DEDD2: variants seen among roughly 807,000 people sequenced by gnomAD.
The protein encoded by DEDD2 is death effector domain containing 2.
A neutral mutation model predicts 28.9 loss-of-function variants in DEDD2; 18 were observed. The observed-to-expected ratio is 0.62, with a 90% CI of 0.43 to 0.92. The LOEUF is 0.92. Ranked by LOEUF, DEDD2 falls within the 40% of genes least tolerant of loss-of-function variation. DEDD2 has a pLI of 0.00. For synonymous variants in DEDD2, 211 were observed against 206.1 expected, an observed-to-expected ratio of 1.02 and a Z score of -0.20; for missense variants, 411 against 463.3, an observed-to-expected ratio of 0.89 and a Z score of 1.04.
At chr19:42,214,364 A>C (rs1299611067) in intron 3 of DEDD2, among the ~76,000 whole-genome samples, 1 of 151,568 alleles carries the variant, frequency 6.6e-6, no homozygotes, top group Non-Finnish European at 1.5e-5. Flanking sequence ...AGGCTGAGGC[A>C]GGAGAATTGC....
At chr19:42,217,754 A>C (rs1016752776), upstream of DEDD2, 1 of 152,500 alleles carries the variant, frequency 6.6e-6, no homozygotes, top group Admixed American at 6.5e-5. Flanking sequence ...CAACTCGCGC[A>C]GGTGCGACCG....
chr19:42,205,219 A>C (rs2035484416), intron 4 of DEDD2, among the ~76,000 whole-genome samples: 1 of 152,242 alleles, frequency 6.6e-6, no homozygotes, highest in South Asian at 2.1e-4. Flanking sequence ...AGAAAGAGAG[A>C]TGGTAGGGGA....
chr19:42,199,714 G>A lies in DEDD2; in HGVS notation c.705C>T (p.Ala235=). The change falls in exon 5 of 5, where the codon GCC becomes GCT. Residue 235 remains alanine (A), a synonymous_variant. Transcript: ENST00000596251. This position sits in a 1 kb window ranked among gnomAD's most constrained non-coding sequence, Gnocchi z 7.4. ...LARQLDVFGQ[A]TAVLRSRDLG... ...GGTCCCTTGAGCGCAGCACTGCGGT[G>A]GCCTGCCCAAACACGTCCAGCTGCC... 6.2e-7 allele frequency: 1 copy of A among 1,614,050 alleles called. No homozygotes were observed.
Position 42,216,991 on chromosome 19 carries a change from G to T in DEDD2, c.17C>A (p.Ser6Ter). 6.3e-7 allele frequency: 1 copy of T among 1,591,084 alleles called. No homozygotes were observed. ...CTCCTCCCAGCACGGGGCCGGGGTC[G>T]ACCCGGATAGCGCCATTCCCGGGGG... MALSG[S>*]TPAPCWEEDE... is the part of the protein sequence containing the mutation. Residue 6 changes from serine to a stop codon, truncating the protein, a stop_gained, in exon 2 of 5, where the codon TCG becomes TAG. Coordinates refer to ENST00000596251, the MANE Select transcript of DEDD2 (RefSeq NM_133328.4). LOFTEE classifies it high-confidence loss of function.
chr19:42,199,307 C>A lies in DEDD2; in HGVS notation c.*131G>T, dbSNP rs1347294829. 1.4e-5 allele frequency: 19 copies of A among 1,319,088 alleles called. No individual in the cohort carries two copies. In the South Asian group the frequency reaches 2.5e-4, roughly 17 times the overall value. 81.7% of individuals were successfully genotyped at this position (1,319,088 alleles called of 1,614,324 possible). On this transcript the variant is annotated 3_prime_UTR_variant, in exon 5 of 5. Transcript: ENST00000596251. The surrounding 1 kb of genome is among the most constrained non-coding windows in gnomAD (Gnocchi z 7.4). ...TCCTGTGGGAGGGGCTGTCAAGGGG[C>A]CTGCTGTCCCGGTCCTGTCGCAGTC... is the stretch of plus-strand genomic sequence containing the variant.
intron 4 of DEDD2, chr19:42,201,779 GC>G: frequency 2.6e-6 from 1 of 385,224 alleles, no homozygotes; most frequent in Non-Finnish European, 4.6e-6. Context: ...CCCAGCCTCA[GC>G]CCCCAGGCCC....
chr19:42,208,882 T>C (rs1350667581), intron 4 of DEDD2, among the ~76,000 whole-genome samples: 2 of 152,186 alleles, frequency 1.3e-5, no homozygotes, highest in Admixed American at 6.5e-5. Context: ...GTGGGTAAAT[T>C]TGTTTTCTCA....
intron 4 of DEDD2, among the ~76,000 whole-genome samples, chr19:42,204,820 G>C (rs1236430427): frequency 7.8e-6 from 1 of 128,986 alleles, no homozygotes; most frequent in Non-Finnish European, 1.6e-5. Context: ...AACCCTCCCA[G>C]CATCTTGGCT....
At chr19:42,208,271 C>A (rs1468855418) in intron 4 of DEDD2, among the ~76,000 whole-genome samples, 1 of 152,032 alleles carries the variant, frequency 6.6e-6, no homozygotes, top group Non-Finnish European at 1.5e-5. Context: ...AGTCCCCAAC[C>A]CACCCAACCC....
rs2035991952 is a variant in DEDD2 at position 42,216,816 on chromosome 19, G to A, written c.192C>T (p.Ser64=). ...GAAGGLARAR[S]GLELLLELER... ...CCAGCTCCAGCAGGAGCTCTAGGCC[G>A]CTGCGGGCCCGGGCTAAGCCTCCGG... Residue 64 remains serine (S), a synonymous_variant, in exon 2 of 5, where the codon AGC becomes AGT. Transcript: ENST00000596251. The A allele has an allele frequency of 1.3e-6, 2 of 1,582,852 alleles. No individual in the cohort carries two copies. Among genetic ancestry groups the A allele is most frequent in the Non-Finnish European group, 1.7e-6 (2 of 1,164,874 alleles).
intron 4 of DEDD2, chr19:42,201,763 A>G: frequency 2.7e-6 from 1 of 376,924 alleles, no homozygotes; most frequent in Non-Finnish European, 4.7e-6. Context: ...CGCCCAGGGA[A>G]GCCTGCCCAG....
At chr19:42,202,094 G>A (rs2035354325) in intron 4 of DEDD2, 1 of 398,558 alleles carries the variant, frequency 2.5e-6, no homozygotes, top group African/African-American at 2.1e-5. Context: ...ACAAACAAGA[G>A]GTCCCTGCTG....
chr19:42,209,024 G>A (rs751009411), intron 4 of DEDD2, among the ~76,000 whole-genome samples: 58 of 152,294 alleles, frequency 3.8e-4, no homozygotes, highest in Non-Finnish European at 7.8e-4. Flanking sequence ...GATCACTTGA[G>A]GTCAGGAGTT....
In DEDD2 at chr19:42,216,765, G is replaced by A. The variant is rs770854102; in HGVS notation, c.243C>T (p.Ser81=). 6.3e-6 allele frequency: 10 copies of A among 1,592,376 alleles called. No individual in the cohort carries two copies. The Admixed American group carries it at 7.0e-5, about 11-fold the overall frequency. ...ELERRGQCDE[S]NLRLLGQLLR... The stretch of plus-strand genomic sequence containing the variant: ...GGAGTTGCCCCAGCAGCCGCAGGTT[G>A]CTCTCGTCGCACTGCCCGCGGCGCT... Residue 81 remains serine (S), a synonymous_variant, in exon 2 of 5, where the codon AGC becomes AGT. Transcript: ENST00000596251.
chr19:42,217,135 G>T (rs1198538282), intron 1 of DEDD2, 90 bp from the exon 2 acceptor site: 3 of 969,812 alleles, frequency 3.1e-6, no homozygotes, highest in Middle Eastern at 3.1e-4. Flanking sequence ...GCCCAATCGC[G>T]CCGGGCAGGG....
chr19:42,217,939 C>T (rs2036053535), upstream of DEDD2, among the ~76,000 whole-genome samples: 2 of 151,578 alleles, frequency 1.3e-5, no homozygotes, highest in Non-Finnish European at 2.9e-5. Context: ...CTACTTCCTG[C>T]CCGTGACTCA....
rs2035685432 is a variant in DEDD2, at chr19:42,209,852, A to G, written c.449-12T>C. On this transcript the variant is annotated splice_polypyrimidine_tract_variant and intron_variant, in intron 3 of 4. Coordinates refer to ENST00000596251, the MANE Select transcript of DEDD2 (RefSeq NM_133328.4). ...GGTTGGGGGGGAGCCTGAGGGGAAA[A>G]AAATGGGGCAAGTTGAGGACCAGGA... 3 of 1,505,272 alleles carry G rather than the reference A, an allele frequency of 2.0e-6. No individual in the cohort carries two copies. In the Admixed American group the frequency reaches 6.9e-5, roughly 34 times the overall value. 93.2% of individuals were successfully genotyped at this position (1,505,272 alleles called of 1,614,324 possible). A position where few individuals can be genotyped will look rare whatever the true frequency, so the allele number is the denominator to read the frequency against.
intron 4 of DEDD2, 82 bp downstream of exon 4, chr19:42,209,618 C>T: frequency 2.0e-6 from 3 of 1,499,412 alleles, no homozygotes. Flanking sequence ...TGTCACATCC[C>T]CCAGAAAAAT....
chr19:42,212,818 C>A (rs554608827), intron 3 of DEDD2, among the ~76,000 whole-genome samples: 1 of 152,024 alleles, frequency 6.6e-6, no homozygotes, highest in Admixed American at 6.6e-5. Flanking sequence ...AGGCTGATCT[C>A]GAACTCCTGG....
Sources: gnomAD v4.1 joint callset for allele counts (sites outside exome capture counted in the v4.1 genomes callset) on GRCh38, gnomAD v4.1.1 for gene constraint, Gnocchi (gnomAD v3.1) non-coding constraint, MANE v1.5 for transcripts, NCBI Gene and HGNC (gene_info 2026-07-23, HGNC 2026-07-21) for gene names.